The following CR2 variants were observed in gnomAD, a reference collection of about 807,000 sequenced individuals.
CR2 encodes complement C3d receptor 2.
CR2 carries 96 observed loss-of-function variants against 123.0 expected under a neutral mutation model. That is an observed-to-expected ratio of 0.78 (90% CI 0.66 to 0.93). The LOEUF (loss-of-function observed/expected upper bound fraction) is 0.93. CR2 is among the 40% of genes least tolerant of loss of function. The pLI is 0.00. For missense variants in CR2, 1,258 were observed against 1,361.0 expected (o/e 0.92, Z 1.19); for synonymous variants, 484 against 469.5 (o/e 1.03, Z -0.40).
intron 19 of CR2, among the ~76,000 whole-genome samples, chr1:207,486,500 T>C (rs2102315994): frequency 6.6e-6 from 1 of 152,246 alleles, no homozygotes; most frequent in Admixed American, 6.5e-5. Context: ...GTGTGCTAGG[T>C]CATGGTAAAG....
intron 8 of CR2, 110 bp downstream of exon 8, chr1:207,471,197 G>T: frequency 8.8e-7 from 1 of 1,131,366 alleles, no homozygotes; most frequent in Non-Finnish European, 1.3e-6. Context: ...GTAAGAGTTT[G>T]TCTCATAGGT....
At chr1:207,470,189 G>C in intron 6 of CR2, 87 bp downstream of exon 6, 1 of 1,495,780 alleles carries the variant, frequency 6.7e-7, no homozygotes, top group South Asian at 1.2e-5. Flanking sequence ...GTAGGGCCTT[G>C]TCCAGTTTAT....
intron 10 of CR2, 63 bp from the exon 11 acceptor site, chr1:207,473,482 C>T: frequency 6.7e-7 from 1 of 1,500,060 alleles, no homozygotes; most frequent in East Asian, 2.2e-5. Context: ...ATGTTGTACA[C>T]TTAGTGTTCT....
At chr1:207,480,266 G>T (rs1052651920) in intron 18 of CR2, among the ~76,000 whole-genome samples, 2 of 152,128 alleles carry the variant, frequency 1.3e-5, no homozygotes, top group Admixed American at 1.3e-4. Flanking sequence ...TGTTTATTCA[G>T]ATAGTATATT....
At chr1:207,473,472 A>G in intron 10 of CR2, 73 bp from the exon 11 acceptor site, 4 of 1,452,262 alleles carry the variant, frequency 2.8e-6, no homozygotes, top group Non-Finnish European at 3.9e-6. Flanking sequence ...TGTCTGTCCA[A>G]TGTTGTACAC....
In CR2 at chr1:207,473,645, C is replaced by A; in HGVS notation, c.2079C>A (p.Gly693=). 3 of 1,614,030 alleles carry A rather than the reference C, an allele frequency of 1.9e-6. No homozygotes were observed. The highest frequency in any genetic ancestry group is 1.1e-5 in the South Asian group (1 of 91,086). ...GMTVDYTCDP[G]YLLVGNKSIH... is the part of the protein sequence containing the mutation. ...CTGTAGACTACACTTGTGACCCTGG[C>A]TATTTGCTTGTGGGAAACAAATCCA... The change falls in exon 11 of 20, where the codon GGC becomes GGA. Residue 693 remains glycine, a synonymous_variant. Coordinates refer to ENST00000367057, the MANE Select transcript of CR2 (RefSeq NM_001006658.3).
intron 19 of CR2, among the ~76,000 whole-genome samples, chr1:207,486,844 G>T (rs1162840180): frequency 2.0e-5 from 3 of 152,226 alleles, no homozygotes; most frequent in Non-Finnish European, 2.9e-5. Context: ...AGATTGCAAA[G>T]AGCAGGACTG....
At chr1:207,483,929 C>T (rs1197044281) in intron 18 of CR2, among the ~76,000 whole-genome samples, 1 of 151,948 alleles carries the variant, frequency 6.6e-6, no homozygotes, top group African/African-American at 2.4e-5. Context: ...CAGTAATGTT[C>T]AAAAGGCAGA....
At chr1:207,455,237 C>G (rs541014699) in intron 1 of CR2, among the ~76,000 whole-genome samples, 19 of 152,328 alleles carry the variant, frequency 1.2e-4, no homozygotes, top group Admixed American at 5.2e-4. Flanking sequence ...TTCTAATTAT[C>G]TCCACGGTAC....
At chr1:207,488,192 G>T (rs145606845) in intron 19 of CR2, among the ~76,000 whole-genome samples, 1,699 of 152,214 alleles carry the variant, frequency 0.011, 11 homozygotes, top group Middle Eastern at 0.027. Flanking sequence ...TTGAAAGGTG[G>T]GTGTTCTCCC....
At chr1:207,484,746 T>C (rs1360504334) in intron 18 of CR2, among the ~76,000 whole-genome samples, 4 of 152,226 alleles carry the variant, frequency 2.6e-5, no homozygotes, top group Non-Finnish European at 5.9e-5. Flanking sequence ...TCTGGCAAAG[T>C]GGTTTTAGAA....
At chr1:207,477,202 A>C (rs1397663180) in intron 15 of CR2, among the ~76,000 whole-genome samples, 2 of 152,250 alleles carry the variant, frequency 1.3e-5, no homozygotes, top group Non-Finnish European at 2.9e-5. Flanking sequence ...TGGCTGGGGA[A>C]GCCTCACAAT....
intron 15 of CR2, among the ~76,000 whole-genome samples, 190 bp downstream of exon 15, chr1:207,476,609 A>C (rs1430655950): frequency 1.3e-5 from 2 of 152,344 alleles, no homozygotes; most frequent in Non-Finnish European, 1.5e-5. Flanking sequence ...GCTGTAGTCT[A>C]TCTGGTGAAT....
intron 19 of CR2, among the ~76,000 whole-genome samples, chr1:207,485,793 G>A (rs964414893): frequency 6.6e-5 from 10 of 151,996 alleles, no homozygotes; most frequent in African/African-American, 2.4e-4. Context: ...AAACTAAATA[G>A]CAAAACAACT....
At position 207,461,192 on chromosome 1, in the gene CR2, A is replaced by C. The variant is rs113002324; in HGVS notation, c.59-5334A>C. Reference sequence around the variant, plus strand: ...TATCCGCTCCCCCTACCACCCTTATAAAAAAAAATCAAAACATATGTAATC... The same window carrying C: ...TATCCGCTCCCCCTACCACCCTTATCAAAAAAAATCAAAACATATGTAATC... On this transcript the variant is annotated intron_variant, in intron 1 of 19. Coordinates refer to ENST00000367057, the MANE Select transcript of CR2 (RefSeq NM_001006658.3). Among the ~76,000 whole-genome samples the C allele has an allele frequency of 5.9e-3, 883 of 148,730 alleles. 4 individuals carry two copies. The highest frequency in any genetic ancestry group is 0.024 in the Middle Eastern group (7 of 286).
At chr1:207,455,851 G>GC (rs1324975231) in intron 1 of CR2, among the ~76,000 whole-genome samples, 1 of 152,152 alleles carries the variant, frequency 6.6e-6, no homozygotes, top group Non-Finnish European at 1.5e-5. Context: ...CTTAACTGGA[G>GC]CCCCATGAAA....
rs1176939408 is a variant in CR2 at position 207,473,638 on chromosome 1, A to T, written c.2072A>T (p.Asp691Val). 4 of 1,614,016 alleles carry T rather than the reference A, an allele frequency of 2.5e-6. No individual in the cohort carries two copies. In the South Asian group the frequency reaches 4.4e-5, roughly 18 times the overall value. ...GGGATGACTGTAGACTACACTTGTG[A>T]CCCTGGCTATTTGCTTGTGGGAAAC... ...VSGMTVDYTC[D>V]PGYLLVGNKS... is the part of the protein sequence containing the mutation. Residue 691 changes from aspartate (D) to valine (V), a missense_variant, in exon 11 of 20, where the codon GAC becomes GTC. Coordinates refer to ENST00000367057, the MANE Select transcript of CR2 (RefSeq NM_001006658.3).
In CR2 at chr1:207,469,885, T is replaced by C. The variant is rs201228014; in HGVS notation, c.1008T>C (p.Ser336=). ...ATAGTCAGAAGACTGGGACCTGGAGTGGCCCTGCCCCACGCTGTGAACTTT... is the reference window on the plus strand; with the variant it reads ...ATAGTCAGAAGACTGGGACCTGGAGCGGCCCTGCCCCACGCTGTGAACTTT... The part of the protein sequence containing the change: ...TVDSQKTGTW[S]GPAPRCELST... The change falls in exon 6 of 20, where the codon AGT becomes AGC. Residue 336 remains serine, a synonymous_variant. Transcript: ENST00000367057. The C allele has an allele frequency of 4.0e-5, 65 of 1,613,904 alleles. No homozygotes were observed. In the East Asian group the frequency reaches 1.4e-3, roughly 34 times the overall value.
In CR2 at chr1:207,476,292, CAT is replaced by C. The variant is rs1448328743; in HGVS notation, c.2777_2778del (p.Ile926SerfsTer14). The C allele has an allele frequency of 1.2e-6, 2 of 1,613,990 alleles. No individual in the cohort carries two copies. Among genetic ancestry groups the C allele is most frequent in the Admixed American group, 3.3e-5 (2 of 60,006 alleles). ...CTAACGGGAACCATACTGGTGGAAA[CAT>C]AGCTCGATTTTCTCCTGGAATGTCA... ...TPNGNHTGGNIARFSPGMSIL... is the reference protein window; with the variant it reads ...TPNGNHTGGNXARFSPGMSIL... On this transcript the variant is annotated frameshift_variant, in exon 15 of 20. Transcript: ENST00000367057. LOFTEE classifies it high-confidence loss of function.
Sources: allele counts gnomAD v4.1 joint callset (sites outside exome capture counted in the v4.1 genomes callset), GRCh38; gene constraint gnomAD v4.1.1; transcripts MANE v1.5; gene names NCBI Gene and HGNC (gene_info 2026-07-23, HGNC 2026-07-21).